Variants in C8orf34 observed in about 807,000 individuals in gnomAD.
C8orf34 encodes the protein uncharacterized protein C8orf34.
In C8orf34, 65 loss-of-function variants were observed where a neutral mutation model predicts 68.3. The ratio of observed to expected loss-of-function variants is 0.95; its 90% confidence interval spans 0.78 to 1.17. C8orf34 has a LOEUF of 1.17. Among genes scored for constraint, C8orf34 ranks in the 50% most tolerant of loss-of-function variants. The probability of loss-of-function intolerance (pLI) is 0.00; values close to 1 mark genes in which losing one functional copy is unlikely to be tolerated. For missense variants in C8orf34, 664 were observed against 655.4 expected (o/e 1.01, Z -0.14); for synonymous variants, 244 against 241.2 (o/e 1.01, Z -0.11).
At chr8:68,336,624 T>C (rs764650862) in intron 1 of C8orf34, among the ~76,000 whole-genome samples, 27 of 152,170 alleles carry the variant, frequency 1.8e-4, no homozygotes, top group Non-Finnish European at 3.4e-4. Context: ...TGCATATACC[T>C]ACATTTACTT....
upstream of C8orf34, chr8:68,330,640 T>G: frequency 2.1e-5 from 4 of 192,362 alleles, no homozygotes; most frequent in Non-Finnish European, 3.1e-5. Flanking sequence ...AAGCACCAGA[T>G]TTATGTGCAC....
At chr8:68,586,250 T>C (rs1295553822) in intron 7 of C8orf34, among the ~76,000 whole-genome samples, 1 of 152,148 alleles carries the variant, frequency 6.6e-6, no homozygotes, top group African/African-American at 2.4e-5. Context: ...TCATCAATAT[T>C]TCAAAGAAAA....
intron 7 of C8orf34, among the ~76,000 whole-genome samples, chr8:68,603,789 T>G (rs1817776124): frequency 6.6e-6 from 1 of 152,090 alleles, no homozygotes; most frequent in Non-Finnish European, 1.5e-5. Flanking sequence ...GTTGTATACT[T>G]TCATTGAACT....
At chr8:68,588,664 G>A (rs1445840621) in intron 7 of C8orf34, among the ~76,000 whole-genome samples, 1 of 152,192 alleles carries the variant, frequency 6.6e-6, no homozygotes, top group Non-Finnish European at 1.5e-5. Context: ...GGTCATTAGG[G>A]TCATTAGATA....
chr8:68,693,645 A>G (rs1820745307), intron 8 of C8orf34, among the ~76,000 whole-genome samples: 1 of 152,142 alleles, frequency 6.6e-6, no homozygotes, highest in Non-Finnish European at 1.5e-5. Context: ...TACCCAAAAC[A>G]TATTTTCATA....
chr8:68,707,318 C>T (rs1017920776), intron 8 of C8orf34, among the ~76,000 whole-genome samples: 8 of 152,164 alleles, frequency 5.3e-5, no homozygotes, highest in Non-Finnish European at 1.0e-4. Context: ...GAGCCAGCTG[C>T]AAGGCCACCC....
At chr8:68,337,881 G>GA (rs1350529917) in intron 1 of C8orf34, among the ~76,000 whole-genome samples, 1 of 152,022 alleles carries the variant, frequency 6.6e-6, no homozygotes, top group African/African-American at 2.4e-5. Flanking sequence ...TGAAATATCT[G>GA]AAAAAAATAT....
At chr8:68,721,497 G>C in intron 10 of C8orf34, 60 bp downstream of exon 10, 1 of 1,082,284 alleles carries the variant, frequency 9.2e-7, no homozygotes, top group Non-Finnish European at 1.4e-6. Flanking sequence ...ATTACTAGTA[G>C]GTAAATCTAA....
At chr8:68,805,940 A>G (rs966031312) in intron 12 of C8orf34, among the ~76,000 whole-genome samples, 1 of 151,194 alleles carries the variant, frequency 6.6e-6, no homozygotes, top group African/African-American at 2.4e-5. Flanking sequence ...CTTTTTTGGG[A>G]TAATTTTTTT....
rs548489728 is a variant in C8orf34, at chr8:68,376,340, A to G, written c.327+45001A>G. Among the ~76,000 whole-genome samples the G allele has an allele frequency of 4.6e-5, 7 of 152,334 alleles. No individual in the cohort carries two copies. The East Asian group carries it at 1.3e-3, about 29-fold the overall frequency. ...GAAAGCAGTCCAACAGAGCATGGAT[A>G]CAAATAGGTTTAGAATGATGGAAGC... On this transcript the variant is annotated intron_variant, in intron 1 of 13. Transcript: ENST00000518698.
rs150033481 is a variant in C8orf34, at chr8:68,480,018, T to C, written c.737-8005T>C. On this transcript the variant is annotated intron_variant, in intron 4 of 13. Coordinates refer to ENST00000518698, the MANE Select transcript of C8orf34 (RefSeq NM_052958.4). The stretch of plus-strand genomic sequence containing the variant: ...TGATATGATCTATATCTAGAATATT[T>C]ACTATTTAGCCCGTAACAGAAAATG... 7.0e-3 allele frequency among the ~76,000 whole-genome samples: 1,073 copies of C among 152,336 alleles called. 3 individuals are homozygous for C. The highest frequency in any genetic ancestry group is 9.9e-3 in the Non-Finnish European group (675 of 68,028).
chr8:68,478,614 AG>A (rs1391462750), intron 4 of C8orf34, among the ~76,000 whole-genome samples: 2 of 152,190 alleles, frequency 1.3e-5, no homozygotes, highest in Admixed American at 6.5e-5. Context: ...TAATTTATAA[AG>A]GAAAGTGGTT....
chr8:68,485,464 A>T (rs1436834573), intron 4 of C8orf34, among the ~76,000 whole-genome samples: 1 of 152,148 alleles, frequency 6.6e-6, no homozygotes, highest in African/African-American at 2.4e-5. Flanking sequence ...CTATAATCCC[A>T]GCACTTTGGG....
intron 10 of C8orf34, among the ~76,000 whole-genome samples, chr8:68,740,737 G>T (rs1207671110): frequency 6.6e-6 from 1 of 152,138 alleles, no homozygotes; most frequent in African/African-American, 2.4e-5. Context: ...CCATTACTGG[G>T]TATATTCTCA....
At chr8:68,700,175 A>G (rs1563617329) in intron 8 of C8orf34, among the ~76,000 whole-genome samples, 1 of 152,108 alleles carries the variant, frequency 6.6e-6, no homozygotes, top group Admixed American at 6.6e-5. Context: ...AAACAAAAAA[A>G]CTAGAAAAGA....
At chr8:68,539,279 G>C (rs1815611610) in intron 7 of C8orf34, among the ~76,000 whole-genome samples, 1 of 152,102 alleles carries the variant, frequency 6.6e-6, no homozygotes, top group Admixed American at 6.5e-5. Context: ...TAACTTGACT[G>C]AGTTTAAATT....
At chr8:68,665,719 GT>G (rs1819817372) in intron 8 of C8orf34, among the ~76,000 whole-genome samples, 1 of 152,102 alleles carries the variant, frequency 6.6e-6, no homozygotes, top group Non-Finnish European at 1.5e-5. Flanking sequence ...TTCAGGTCCT[GT>G]TCCTTCATTT....
At chr8:68,533,749 T>G in intron 7 of C8orf34, 1 of 951,288 alleles carries the variant, frequency 1.1e-6, no homozygotes, top group Non-Finnish European at 1.3e-6. Context: ...TGTATGTTTT[T>G]GCTTCATCAG....
chr8:68,745,943 C>T (rs1822475591), intron 10 of C8orf34, among the ~76,000 whole-genome samples: 1 of 152,084 alleles, frequency 6.6e-6, no homozygotes, highest in Admixed American at 6.6e-5. Flanking sequence ...TTTTTTTCAG[C>T]ACCACACCAC....
Sources: gnomAD v4.1 joint callset for allele counts (sites outside exome capture counted in the v4.1 genomes callset) on GRCh38, gnomAD v4.1.1 for gene constraint, MANE v1.5 for transcripts, NCBI Gene and HGNC (gene_info 2026-07-23, HGNC 2026-07-21) for gene names.